Variants in CFTR observed in about 807,000 individuals in gnomAD.
CFTR encodes the protein CF transmembrane conductance regulator.
A neutral mutation model predicts 171.6 loss-of-function variants in CFTR; 181 were observed. That is an observed-to-expected ratio of 1.05 (90% CI 0.93 to 1.19). The LOEUF (loss-of-function observed/expected upper bound fraction) is 1.19, where lower values mean the gene tolerates loss of function less well. Among genes scored for constraint, CFTR ranks in the 50% most tolerant of loss-of-function variants. The probability of loss-of-function intolerance (pLI) is 0.00; values close to 1 mark genes in which losing one functional copy is unlikely to be tolerated. For missense variants in CFTR, 1,968 were observed against 1,734.7 expected (o/e 1.13, Z -2.39); for synonymous variants, 583 against 608.0 (o/e 0.96, Z 0.60).
intron 9 of CFTR, 110 bp from the exon 10 acceptor site, chr7:117,548,531 A>G: frequency 6.5e-7 from 1 of 1,539,042 alleles, no homozygotes; most frequent in Non-Finnish European, 8.8e-7. Flanking sequence ...ATCATGGGCC[A>G]TGTGCTTTTC....
At chr7:117,505,850 T>C (rs1029470091) in intron 2 of CFTR, among the ~76,000 whole-genome samples, 1 of 152,224 alleles carries the variant, frequency 6.6e-6, no homozygotes, top group Non-Finnish European at 1.5e-5. Flanking sequence ...CAAAGTAAGA[T>C]ATTAAACTTT....
At chr7:117,623,490 T>C (rs1792610626) in intron 21 of CFTR, among the ~76,000 whole-genome samples, 1 of 152,234 alleles carries the variant, frequency 6.6e-6, no homozygotes, top group East Asian at 1.9e-4. Context: ...GTAGTTTTTA[T>C]GTATCAGGTG....
chr7:117,576,182 C>T (rs540578653), intron 11 of CFTR, among the ~76,000 whole-genome samples: 2 of 152,138 alleles, frequency 1.3e-5, no homozygotes, highest in African/African-American at 4.8e-5. Context: ...CATATTTTTT[C>T]TAGGTTCCGA....
chr7:117,499,427 A>ATCTGTG (rs1428284583), intron 1 of CFTR, among the ~76,000 whole-genome samples: 5 of 77,722 alleles, frequency 6.4e-5, no homozygotes, highest in Admixed American at 6.1e-4. Flanking sequence ...CTATAGTTTC[A>ATCTGTG]TCTGTGTGTG....
chr7:117,593,185 G>A (rs1215775754), intron 14 of CFTR, among the ~76,000 whole-genome samples: 2 of 152,056 alleles, frequency 1.3e-5, no homozygotes, highest in Non-Finnish European at 2.9e-5. Context: ...TATACATTGG[G>A]TTTCTGAAAA....
chr7:117,585,789 A>G (rs956039543), intron 11 of CFTR, among the ~76,000 whole-genome samples: 1 of 152,034 alleles, frequency 6.6e-6, no homozygotes, highest in Non-Finnish European at 1.5e-5. Flanking sequence ...CTACAGGTGC[A>G]TGCTACCATG....
intron 24 of CFTR, among the ~76,000 whole-genome samples, chr7:117,655,788 G>A (rs1793157341): frequency 6.6e-6 from 1 of 152,102 alleles, no homozygotes; most frequent in Admixed American, 6.6e-5. Flanking sequence ...TGTGGAGGCT[G>A]GGAAGTTCAA....
At chr7:117,579,653 T>C (rs1791822195) in intron 11 of CFTR, among the ~76,000 whole-genome samples, 1 of 150,288 alleles carries the variant, frequency 6.7e-6, no homozygotes, top group South Asian at 2.1e-4. Flanking sequence ...ATTTATGCGT[T>C]GTTAGATATT....
chr7:117,504,758 A>G (rs1269872555), intron 2 of CFTR, among the ~76,000 whole-genome samples: 5 of 125,734 alleles, frequency 4.0e-5, no homozygotes, highest in Non-Finnish European at 7.3e-5. Flanking sequence ...TCTCTCTCTA[A>G]AAAAAAAAAA....
intron 23 of CFTR, among the ~76,000 whole-genome samples, chr7:117,643,886 T>C (rs954487935): frequency 2.6e-5 from 4 of 152,178 alleles, no homozygotes; most frequent in African/African-American, 7.2e-5. Context: ...AAAAATTAAT[T>C]TCAGTTTCAC....
chr7:117,614,774 G>A, intron 21 of CFTR, 61 bp downstream of exon 21: 2 of 1,031,420 alleles, frequency 1.9e-6, no homozygotes, highest in East Asian at 4.8e-5. Flanking sequence ...CAAAGTATGA[G>A]TAATAGCATG....
chr7:117,568,450 C>G (rs1791638336), intron 11 of CFTR, among the ~76,000 whole-genome samples: 1 of 151,726 alleles, frequency 6.6e-6, no homozygotes, highest in Non-Finnish European at 1.5e-5. Context: ...AATGACTTGC[C>G]AGGTAGGAAG....
chr7:117,602,453 C>A (rs1792240752), intron 15 of CFTR, among the ~76,000 whole-genome samples: 1 of 152,166 alleles, frequency 6.6e-6, no homozygotes, highest in East Asian at 1.9e-4. Context: ...TTATAGCAAA[C>A]AGATTAATTA....
At chr7:117,495,483 G>C (rs181734690) in intron 1 of CFTR, among the ~76,000 whole-genome samples, 101 of 152,274 alleles carry the variant, frequency 6.6e-4, no homozygotes, top group Middle Eastern at 3.4e-3. Flanking sequence ...ACAGCTGTTA[G>C]AAGTGGCCTT....
At chr7:117,501,747 C>CAAAAAAAAAAAAAAAAAAAAAAAAAAAAA (rs1212853305) in intron 1 of CFTR, among the ~76,000 whole-genome samples, 4 of 43,900 alleles carry the variant, frequency 9.1e-5, no homozygotes, top group Non-Finnish European at 9.5e-5. Context: ...AACTCTGTCT[C>CAAAAAAAAAAAAAAAAAAAAAAAAAAAAA]AAAAAAAAAA....
intron 10 of CFTR, 43 bp from the exon 11 acceptor site, chr7:117,559,421 C>A: frequency 7.9e-7 from 1 of 1,261,888 alleles, no homozygotes; most frequent in Non-Finnish European, 1.2e-6. Flanking sequence ...GAATCCTGAG[C>A]GTGATTTGAT....
chr7:117,658,468 A>G lies in CFTR; in HGVS notation c.3963+5537A>G, dbSNP rs1584845650. On this transcript the variant is annotated intron_variant, in intron 24 of 26. Transcript: ENST00000003084. ...TCACTTTACTTAGTTTCCCTGGGAA[A>G]TTTCATGTGTCCTTTTGGCTTTAAT... 2.6e-5 allele frequency among the ~76,000 whole-genome samples: 4 copies of G among 152,252 alleles called. No homozygotes were observed. The South Asian group carries it at 8.3e-4, about 32-fold the overall frequency.
chr7:117,622,351 T>C (rs1584828074), intron 21 of CFTR, among the ~76,000 whole-genome samples: 1 of 152,314 alleles, frequency 6.6e-6, no homozygotes, highest in East Asian at 1.9e-4. Context: ...ATTATGCTAA[T>C]GGATCTGCCT....
At chr7:117,560,248 G>A (rs150300965) in intron 11 of CFTR, among the ~76,000 whole-genome samples, 26 of 152,062 alleles carry the variant, frequency 1.7e-4, no homozygotes, top group African/African-American at 6.3e-4. Context: ...AACAATATTG[G>A]AGAATGAGCT....
Sources: allele counts gnomAD v4.1 joint callset (sites outside exome capture counted in the v4.1 genomes callset), GRCh38; gene constraint gnomAD v4.1.1; transcripts MANE v1.5; gene names NCBI Gene and HGNC (gene_info 2026-07-23, HGNC 2026-07-21).